Variants in MAP4K4 observed in about 807,000 individuals in gnomAD.
MAP4K4 encodes the protein mitogen-activated protein kinase kinase kinase kinase 4, also known as HPK/GCK-like kinase HGK.
Under a neutral mutation model 189.6 loss-of-function variants are expected in MAP4K4, and 38 were observed. That is an observed-to-expected ratio of 0.20 (90% CI 0.15 to 0.26). The LOEUF is 0.26. Among genes scored for constraint, MAP4K4 ranks in the 10% least tolerant of loss-of-function variants. MAP4K4 has a pLI of 1.00. For synonymous variants in MAP4K4, 610 were observed against 624.3 expected (o/e 0.98, Z 0.34); for missense variants, 1,054 against 1,726.9 (o/e 0.61, Z 6.91).
At chr2:101,849,874 A>G (rs909460380) in intron 12 of MAP4K4, among the ~76,000 whole-genome samples, 3 of 152,154 alleles carry the variant, frequency 2.0e-5, no homozygotes, top group African/African-American at 4.8e-5. Context: ...TATTTAATAA[A>G]AAAATAAAGA....
At chr2:101,877,193 A>G in intron 27 of MAP4K4, 47 bp downstream of exon 27, 2 of 1,599,334 alleles carry the variant, frequency 1.3e-6, no homozygotes, top group Non-Finnish European at 1.7e-6. Flanking sequence ...CATCTTAACA[A>G]TATTGTAGCT....
At chr2:101,774,651 GTTT>G (rs1558857840) in intron 2 of MAP4K4, among the ~76,000 whole-genome samples, 1 of 152,094 alleles carries the variant, frequency 6.6e-6, no homozygotes. Context: ...CCTCTCTTCA[GTTT>G]TTTATTTGAT....
At chr2:101,761,854 G>A (rs56852999) in intron 2 of MAP4K4, among the ~76,000 whole-genome samples, 1,594 of 152,214 alleles carry the variant, frequency 0.01, 30 homozygotes, top group African/African-American at 0.036. Context: ...ACCACACCCC[G>A]CTGAGTATGG....
intron 12 of MAP4K4, among the ~76,000 whole-genome samples, chr2:101,853,455 A>G (rs141172541): frequency 3.3e-5 from 5 of 152,278 alleles, no homozygotes; most frequent in African/African-American, 1.2e-4. Flanking sequence ...CTTTTAATGA[A>G]CACTCCTAGA....
At chr2:101,824,373 T>C (rs1391952993) in intron 4 of MAP4K4, among the ~76,000 whole-genome samples, 2 of 152,194 alleles carry the variant, frequency 1.3e-5, no homozygotes, top group Non-Finnish European at 2.9e-5. Flanking sequence ...AAACTTTATT[T>C]ATGGGAACAA....
chr2:101,710,521 C>G (rs149780088), intron 2 of MAP4K4, among the ~76,000 whole-genome samples: 10 of 152,250 alleles, frequency 6.6e-5, no homozygotes, highest in Non-Finnish European at 1.3e-4. Flanking sequence ...GTGCCAGGCA[C>G]CATGCGAGGC....
exon 11 of MAP4K4, chr2:101,842,640 G>A: frequency 1.9e-6 from 3 of 1,608,154 alleles, no homozygotes; most frequent in Non-Finnish European, 2.5e-6. Context: ...GTGGGAGTGA[G>A]GAAGAAGAGG....
At chr2:101,841,412 G>C (rs1340164578) in intron 10 of MAP4K4, among the ~76,000 whole-genome samples, 1 of 151,880 alleles carries the variant, frequency 6.6e-6, no homozygotes, top group East Asian at 1.9e-4. Context: ...TGACAAATTT[G>C]TACGGAACCA....
rs1295034376 is a variant in MAP4K4 at position 101,741,659 on chromosome 2, G to T, written c.123+43121G>T. On this transcript the variant is annotated intron_variant, in intron 2 of 32. Transcript: ENST00000324219. ...AATCCAGCTAAACATAAAGTTATTT[G>T]AAGTTTTCAATTTTCATGAGTGCAA... Among the ~76,000 whole-genome samples the T allele has an allele frequency of 3.4e-4, 52 of 151,346 alleles. 3 individuals carry two copies. Among genetic ancestry groups the T allele is most frequent in the Admixed American group, 3.4e-3 (52 of 15,170 alleles).
intron 18 of MAP4K4, among the ~76,000 whole-genome samples, chr2:101,865,255 C>T (rs554287051): frequency 6.6e-6 from 1 of 152,300 alleles, no homozygotes; most frequent in African/African-American, 2.4e-5. Context: ...TATAGCAACT[C>T]TGAAATTTAA....
chr2:101,881,067 C>T (rs1460276450), intron 27 of MAP4K4, among the ~76,000 whole-genome samples: 1 of 152,160 alleles, frequency 6.6e-6, no homozygotes, highest in Non-Finnish European at 1.5e-5. Context: ...TTGGAAAGTA[C>T]TGATGTCTTG....
chr2:101,777,495 C>T (rs2084872499), intron 2 of MAP4K4, among the ~76,000 whole-genome samples: 1 of 152,146 alleles, frequency 6.6e-6, no homozygotes, highest in East Asian at 1.9e-4. Flanking sequence ...TCACAAGGTC[C>T]CGCAGGGCGA....
chr2:101,803,678 C>A (rs1317998300), intron 3 of MAP4K4, among the ~76,000 whole-genome samples: 1 of 152,160 alleles, frequency 6.6e-6, no homozygotes, highest in African/African-American at 2.4e-5. Context: ...TTTTATTAGT[C>A]TGTCAACGTC....
chr2:101,872,157 ATTTTT>A (rs925518664), intron 24 of MAP4K4, among the ~76,000 whole-genome samples: 4 of 140,734 alleles, frequency 2.8e-5, no homozygotes, highest in African/African-American at 1.0e-4. Flanking sequence ...AACAGAACTG[ATTTTT>A]TTTTTTTTTC....
At chr2:101,829,377 G>A (rs1313957006) in intron 5 of MAP4K4, 127 bp from the exon 6 acceptor site, 12 of 624,802 alleles carry the variant, frequency 1.9e-5, no homozygotes, top group East Asian at 2.9e-5. Context: ...GCACTAAGAC[G>A]AAGTTAATGT....
intron 5 of MAP4K4, among the ~76,000 whole-genome samples, chr2:101,826,103 A>C (rs1189699261): frequency 6.6e-6 from 1 of 152,056 alleles, no homozygotes; most frequent in Non-Finnish European, 1.5e-5. Context: ...TTTTCTCTCT[A>C]CTTCATCCCT....
At chr2:101,792,714 C>T (rs1034875762) in intron 3 of MAP4K4, among the ~76,000 whole-genome samples, 3 of 151,658 alleles carry the variant, frequency 2.0e-5, no homozygotes, top group Non-Finnish European at 4.4e-5. Context: ...CTGCTCATTG[C>T]AACCTCCACC....
intron 2 of MAP4K4, among the ~76,000 whole-genome samples, chr2:101,789,711 C>T (rs952417702): frequency 2.0e-5 from 3 of 152,240 alleles, no homozygotes; most frequent in East Asian, 1.9e-4. Context: ...GCAGAAGGAC[C>T]GTTTCTCACA....
At chr2:101,876,249 C>T (rs2098201169) in intron 26 of MAP4K4, among the ~76,000 whole-genome samples, 1 of 152,054 alleles carries the variant, frequency 6.6e-6, no homozygotes, top group African/African-American at 2.4e-5. Flanking sequence ...CACACTCATG[C>T]ACAGGTGGGT....
Sources: allele counts gnomAD v4.1 joint callset (sites outside exome capture counted in the v4.1 genomes callset), GRCh38; gene constraint gnomAD v4.1.1; transcripts MANE v1.5; gene names NCBI Gene and HGNC (gene_info 2026-07-23, HGNC 2026-07-21).